KIF20B: variants seen among roughly 807,000 people sequenced by gnomAD.
KIF20B encodes the protein kinesin-like protein KIF20B.
KIF20B carries 188 observed loss-of-function variants against 232.5 expected under a neutral mutation model. That is an observed-to-expected ratio of 0.81 (90% CI 0.72 to 0.91). The LOEUF is 0.91. Among genes scored for constraint, KIF20B ranks in the 40% least tolerant of loss-of-function variants. The pLI is 0.00. For missense variants in KIF20B, 2,154 were observed against 2,055.9 expected, an observed-to-expected ratio of 1.05 and a Z score of -0.92; for synonymous variants, 712 against 683.0, an observed-to-expected ratio of 1.04 and a Z score of -0.66.
At chr10:89,760,470 C>T in intron 27 of KIF20B, 56 bp from the exon 28 acceptor site, 1 of 1,027,754 alleles carries the variant, frequency 9.7e-7, no homozygotes, top group Non-Finnish European at 1.5e-6. Flanking sequence ...GTGAAGTTTT[C>T]TTCAATATAT....
Position 89,711,022 on chromosome 10 carries a change from A to G in KIF20B, c.552A>G (p.Gln184=). ...RTLNVLFDSL[Q]ERLYTKMNLK... ...TGAATGTATTATTTGATAGTCTTCAAGAAAGACTGTATACAAAGATGAACC... is the reference window on the plus strand; with the variant it reads ...TGAATGTATTATTTGATAGTCTTCAGGAAAGACTGTATACAAAGATGAACC... Residue 184 remains glutamine, a synonymous_variant, in exon 6 of 33, where the codon CAA becomes CAG. Coordinates refer to ENST00000371728, the MANE Select transcript of KIF20B (RefSeq NM_001284259.2). The G allele has an allele frequency of 1.2e-6, 2 of 1,610,058 alleles. No individual in the cohort carries two copies. The highest frequency in any genetic ancestry group is 1.7e-6 in the Non-Finnish European group (2 of 1,178,026).
At chr10:89,705,110 G>A (rs1227675171) in intron 1 of KIF20B, among the ~76,000 whole-genome samples, 184 bp from the exon 2 acceptor site, 2 of 152,180 alleles carry the variant, frequency 1.3e-5, no homozygotes, top group Non-Finnish European at 2.9e-5. Context: ...ATCAGAGTCT[G>A]TAAATATAAT....
chr10:89,715,020 A>G lies in KIF20B; in HGVS notation c.778A>G (p.Asn260Asp). 6.2e-7 allele frequency: 1 copy of G among 1,605,016 alleles called. No individual in the cohort carries two copies. Among genetic ancestry groups the G allele is most frequent in the Non-Finnish European group, 8.5e-7 (1 of 1,175,584 alleles). ...ATCCATAAAAGATTATGAACAAGCC[A>G]ACTTGAATATGGCTAATAGTATAAA... Reference protein sequence around the residue: ...EESIKDYEQANLNMANSIKFS... With the variant: ...EESIKDYEQADLNMANSIKFS... Residue 260 changes from asparagine to aspartate, a missense_variant, in exon 8 of 33, where the codon AAC becomes GAC. By Grantham distance (23) the Asn-to-Asp change is conservative. Coordinates refer to ENST00000371728, the MANE Select transcript of KIF20B (RefSeq NM_001284259.2).
At chr10:89,725,902 A>C (rs1038015957) in intron 15 of KIF20B, among the ~76,000 whole-genome samples, 9 of 152,150 alleles carry the variant, frequency 5.9e-5, no homozygotes, top group South Asian at 4.1e-4. Context: ...GTCTGCTGTC[A>C]AGCAAACCTT....
chr10:89,718,953 G>C (rs1034719998), intron 12 of KIF20B, 81 bp downstream of exon 12: 24 of 844,820 alleles, frequency 2.8e-5, no homozygotes, highest in Non-Finnish European at 3.7e-5. Context: ...ACTTAATACT[G>C]TAAGCCTAGG....
In KIF20B at chr10:89,774,485, A is replaced by G. The variant is rs775760831; in HGVS notation, c.*437A>G. 8 of 152,136 alleles carry G rather than the reference A, an allele frequency of 5.3e-5. No individual in the cohort carries two copies. The highest frequency in any genetic ancestry group is 8.8e-5 in the Non-Finnish European group (6 of 68,016). The allele number at this position is 152,136 out of a possible 1,614,324, so 9.4% of individuals were successfully genotyped here. A position where few individuals can be genotyped will look rare whatever the true frequency, so the allele number is the denominator to read the frequency against. ...AGTGTGTACAGATCACAAAACATGT[A>G]TATACATTATTTAGAAAAGATCTCA... is the stretch of plus-strand genomic sequence containing the variant. On this transcript the variant is annotated 3_prime_UTR_variant, in exon 33 of 33. Coordinates refer to ENST00000371728, the MANE Select transcript of KIF20B (RefSeq NM_001284259.2).
chr10:89,767,967 C>T (rs892833375), intron 29 of KIF20B, among the ~76,000 whole-genome samples: 1 of 151,980 alleles, frequency 6.6e-6, no homozygotes, highest in Non-Finnish European at 1.5e-5. Context: ...CACCTTCAGT[C>T]AGGGTTTCTC....
rs202079446 is a variant in KIF20B, at chr10:89,736,932, A to AT, written c.2546-452dup. On this transcript the variant is annotated intron_variant, in intron 19 of 32. Transcript: ENST00000371728. ...TAGCTATGAAAATTTAAGATACTCC[A>AT]TTTGCCTATTGCTAATATAGTAAAA... 3.2e-3 allele frequency among the ~76,000 whole-genome samples: 484 copies of AT among 152,212 alleles called. 4 individuals carry two copies. The highest frequency in any genetic ancestry group is 0.011 in the African/African-American group (451 of 41,558).
rs775018455 is a variant in KIF20B, at chr10:89,711,138, T to A, written c.668T>A (p.Ile223Asn). The change falls in exon 6 of 33, where the codon ATT (isoleucine) becomes AAT (asparagine). Residue 223 changes from isoleucine (I) to asparagine (N), a missense_variant. By Grantham distance (149) the Ile-to-Asn change is moderately radical (BLOSUM62 -3). Transcript: ENST00000371728. ...AGCAAAAGTGCATTGCTTCGGCAAA[T>A]TAAAGAGGTATGGAAATATTTTAGT... is the stretch of plus-strand genomic sequence containing the variant. ...IASKSALLRQ[I>N]KEVTVHNDSD... 1 of 1,537,064 alleles carries A rather than the reference T, an allele frequency of 6.5e-7. No homozygotes were observed. The highest frequency in any genetic ancestry group is 8.8e-7 in the Non-Finnish European group (1 of 1,137,706).
chr10:89,757,940 C>T (rs1842164521), intron 26 of KIF20B, among the ~76,000 whole-genome samples: 1 of 151,708 alleles, frequency 6.6e-6, no homozygotes, highest in South Asian at 2.1e-4. Flanking sequence ...GTTGACCATG[C>T]ATTTGTAGAT....
intron 19 of KIF20B, among the ~76,000 whole-genome samples, chr10:89,736,173 C>T (rs375732797): frequency 3.9e-5 from 6 of 152,022 alleles, no homozygotes; most frequent in African/African-American, 1.4e-4. Context: ...TGAAGTATAA[C>T]AAAACAGGAA....
intron 23 of KIF20B, among the ~76,000 whole-genome samples, chr10:89,750,177 G>C (rs886663813): frequency 3.3e-5 from 5 of 152,134 alleles, no homozygotes; most frequent in African/African-American, 4.8e-5. Context: ...GTAGCCATTA[G>C]TGAGGTTACC....
chr10:89,721,811 A>G (rs10881634), intron 13 of KIF20B, among the ~76,000 whole-genome samples: 47,429 of 152,032 alleles, frequency 0.31, 8,373 homozygotes, highest in African/African-American at 0.47. Context: ...ATTATATAGT[A>G]TAAATGCTTA....
At chr10:89,707,894 T>C (rs1842757712) in intron 2 of KIF20B, among the ~76,000 whole-genome samples, 1 of 152,262 alleles carries the variant, frequency 6.6e-6, no homozygotes, top group African/African-American at 2.4e-5. Flanking sequence ...TGTCAAATGC[T>C]GTTTTCCCAT....
At chr10:89,733,731 A>G (rs1843382679) in intron 19 of KIF20B, among the ~76,000 whole-genome samples, 1 of 152,362 alleles carries the variant, frequency 6.6e-6, no homozygotes, top group Middle Eastern at 3.4e-3. Flanking sequence ...TACAGCAGGC[A>G]TAATGCCTTA....
chr10:89,748,821 G>A (rs1187972130), intron 23 of KIF20B, among the ~76,000 whole-genome samples: 1 of 151,966 alleles, frequency 6.6e-6, no homozygotes, highest in Non-Finnish European at 1.5e-5. Context: ...TGCCAAATAT[G>A]GAGAAGTATG....
In KIF20B at chr10:89,762,433, C is replaced by T. The variant is rs973866876; in HGVS notation, c.4792-205C>T. 9.9e-5 allele frequency among the ~76,000 whole-genome samples: 15 copies of T among 152,086 alleles called. 1 individual carries two copies. Among genetic ancestry groups the T allele is most frequent in the Admixed American group, 9.2e-4 (14 of 15,260 alleles). On this transcript the variant is annotated intron_variant, in intron 28 of 32. Coordinates refer to ENST00000371728, the MANE Select transcript of KIF20B (RefSeq NM_001284259.2). ...ATGATCATACAAGTTTGGGAAATAG[C>T]GATGTTACCCCTAATTTTAACATAC...
intron 24 of KIF20B, 72 bp downstream of exon 24, chr10:89,751,543 C>A: frequency 7.1e-7 from 1 of 1,402,474 alleles, no homozygotes; most frequent in South Asian, 1.3e-5. Context: ...GATTTCTTCC[C>A]TTGTTAAAGT....
Position 89,723,999 on chromosome 10 carries a change from A to ACTTAT in KIF20B, c.1760_1761insTATCT (p.Asn589Ter). 6.3e-7 allele frequency: 1 copy of ACTTAT among 1,579,572 alleles called. No homozygotes were observed. Among genetic ancestry groups the ACTTAT allele is most frequent in the Non-Finnish European group, 8.6e-7 (1 of 1,168,556 alleles). On this transcript the variant is annotated frameshift_variant, in exon 14 of 33. Transcript: ENST00000371728. LOFTEE classifies it high-confidence loss of function. ...ACTTAATAGAAGACTTGAAAAAAAAACTGATAAATGAAAAAAAGGAAAAAT... is the reference window on the plus strand; with the variant it reads ...ACTTAATAGAAGACTTGAAAAAAAAACTTATCTGATAAATGAAAAAAAGGAAAAAT...
Sources: allele counts gnomAD v4.1 joint callset (sites outside exome capture counted in the v4.1 genomes callset), GRCh38; gene constraint gnomAD v4.1.1; transcripts MANE v1.5; gene names NCBI Gene and HGNC (gene_info 2026-07-23, HGNC 2026-07-21).